HTN1: variants seen among roughly 807,000 people sequenced by gnomAD.
The protein encoded by HTN1 is histatin 1.
HTN1 carries 18 observed loss-of-function variants against 11.2 expected under a neutral mutation model. That is an observed-to-expected ratio of 1.61 (90% CI 1.12 to 2.39). The LOEUF is 2.39. Ranked by LOEUF, HTN1 falls within the 30% of genes most tolerant of loss-of-function variation. The probability of loss-of-function intolerance (pLI) is 0.00; values close to 1 mark genes in which losing one functional copy is unlikely to be tolerated. For missense variants in HTN1, 80 were observed against 67.2 expected (o/e 1.19, Z -0.67); for synonymous variants, 21 against 20.5 (o/e 1.02, Z -0.07).
At chr4:70,051,002 C>G (rs1006549187) in intron 1 of HTN1, among the ~76,000 whole-genome samples, 9 of 152,196 alleles carry the variant, frequency 5.9e-5, no homozygotes, top group Non-Finnish European at 1.2e-4. Context: ...GCAATCATCA[C>G]GCAAAGTAAA....
chr4:70,052,893 C>T (rs1175266331), intron 1 of HTN1, 171 bp from the exon 2 acceptor site: 19 of 535,332 alleles, frequency 3.5e-5, no homozygotes, highest in Non-Finnish European at 5.5e-5. Context: ...GGGAGGATGG[C>T]TTGAGACCAG....
intron 1 of HTN1, among the ~76,000 whole-genome samples, chr4:70,051,123 T>C (rs1399489973): frequency 1.3e-5 from 2 of 152,204 alleles, no homozygotes; most frequent in East Asian, 3.8e-4. Flanking sequence ...TTATTAATTC[T>C]ACATTTAACT....
intron 5 of HTN1, chr4:70,057,604 G>A (rs1726075616): frequency 6.6e-6 from 1 of 152,160 alleles, no homozygotes; most frequent in African/African-American, 2.4e-5. Context: ...TATAGTTCCA[G>A]TTCTGACCTG....
chr4:70,051,986 G>A (rs150383126), intron 1 of HTN1, among the ~76,000 whole-genome samples: 1,740 of 152,116 alleles, frequency 0.011, 14 homozygotes, highest in Admixed American at 0.018. Context: ...TTTTATTTAC[G>A]TTTGTAATTT....
intron 2 of HTN1, among the ~76,000 whole-genome samples, chr4:70,053,665 A>C (rs1243803007): frequency 6.6e-6 from 1 of 152,132 alleles, no homozygotes; most frequent in Non-Finnish European, 1.5e-5. Flanking sequence ...ATTGTCATTT[A>C]CTACTGTGTA....
chr4:70,051,341 A>G (rs1195923258), intron 1 of HTN1, among the ~76,000 whole-genome samples: 1 of 152,132 alleles, frequency 6.6e-6, no homozygotes, highest in Non-Finnish European at 1.5e-5. Flanking sequence ...CAATCTTACT[A>G]ATTTGTTTAA....
intron 2 of HTN1, among the ~76,000 whole-genome samples, chr4:70,053,407 G>C (rs1156525625): frequency 6.6e-6 from 1 of 152,116 alleles, no homozygotes; most frequent in African/African-American, 2.4e-5. Flanking sequence ...ACTAAGATCT[G>C]TGAAAGTATC....
intron 1 of HTN1, 175 bp from the exon 2 acceptor site, chr4:70,052,889 A>T (rs978481165): frequency 1.9e-5 from 10 of 518,466 alleles, no homozygotes; most frequent in African/African-American, 1.5e-4. Flanking sequence ...AGGTGGGAGG[A>T]TGGCTTGAGA....
intron 2 of HTN1, among the ~76,000 whole-genome samples, chr4:70,053,441 C>G (rs182468184): frequency 3.9e-5 from 6 of 152,182 alleles, no homozygotes; most frequent in African/African-American, 1.4e-4. Flanking sequence ...AGCTCTAGAC[C>G]ATCTGAAGTT....
rs1725864151 is a variant in HTN1, at chr4:70,050,487, G to A, written c.-22G>A. 1 of 152,100 alleles carries A rather than the reference G, an allele frequency of 6.6e-6. No individual in the cohort carries two copies. The highest frequency in any genetic ancestry group is 1.5e-5 in the Non-Finnish European group (1 of 68,016). The allele number at this position is 152,100 out of a possible 1,614,324, so 9.4% of individuals were successfully genotyped here. ...TCACTGACTTCTTGACTCTCCTCTT[G>A]AGTAAAAGGTAATATGTTCAAGTAC... On this transcript the variant is annotated 5_prime_UTR_variant, in exon 1 of 6. Coordinates refer to ENST00000246896, the MANE Select transcript of HTN1 (RefSeq NM_002159.4).
intron 2 of HTN1, 57 bp downstream of exon 2, chr4:70,053,184 C>G: frequency 1.8e-6 from 2 of 1,134,328 alleles, no homozygotes; most frequent in African/African-American, 1.5e-5. Flanking sequence ...CCAAGTGTCT[C>G]TCTTATTCCT....
In HTN1 at chr4:70,053,100, A is replaced by C. The variant is rs146406150; in HGVS notation, c.24A>C (p.Leu8Phe). 2,912 of 1,609,958 alleles carry C rather than the reference A, an allele frequency of 1.8e-3. 2 individuals carry two copies. Among genetic ancestry groups the C allele is most frequent in the South Asian group, 2.4e-3 (214 of 91,008 alleles). Residue 8 changes from leucine to phenylalanine, a missense_variant, in exon 2 of 6, where the codon TTA becomes TTC. By Grantham distance (22) the Leu-to-Phe change is conservative. Coordinates refer to ENST00000246896, the MANE Select transcript of HTN1 (RefSeq NM_002159.4). MKFFVFA[L>F]VLALMISMIS... ...CTATGAAGTTTTTTGTCTTTGCTTT[A>C]GTCTTGGCTCTCATGATTTCCATGA... is the stretch of plus-strand genomic sequence containing the variant.
chr4:70,055,597 ATAGAG>A lies in HTN1; in HGVS notation c.*29_*33del. ...TCCTTAGTAATCATGGGGCATGATTATAGAGGTAAGCTGACTCTAGTTGCTTGTCT... is the reference window on the plus strand; with the variant it reads ...TCCTTAGTAATCATGGGGCATGATTAGTAAGCTGACTCTAGTTGCTTGTCT... On this transcript the variant is annotated splice_region_variant and 3_prime_UTR_variant, in exon 5 of 6. Transcript: ENST00000246896. 1 of 1,386,324 alleles carries A rather than the reference ATAGAG, an allele frequency of 7.2e-7. No individual in the cohort carries two copies. The highest frequency in any genetic ancestry group is 1.0e-6 in the Non-Finnish European group (1 of 975,202). 85.9% of individuals were successfully genotyped at this position (1,386,324 alleles called of 1,614,324 possible). A position where few individuals can be genotyped will look rare whatever the true frequency, so the allele number is the denominator to read the frequency against.
chr4:70,056,737 G>A (rs1251782957), intron 5 of HTN1: 3 of 150,422 alleles, frequency 2.0e-5, no homozygotes, highest in Non-Finnish European at 4.5e-5. Flanking sequence ...GACATGAACA[G>A]ATAGTTCTCA....
intron 1 of HTN1, among the ~76,000 whole-genome samples, chr4:70,051,378 C>A (rs1290989486): frequency 6.6e-6 from 1 of 151,958 alleles, no homozygotes; most frequent in East Asian, 1.9e-4. Flanking sequence ...TGTGTTATGG[C>A]AGAAAAGAAA....
chr4:70,057,995 A>C (rs1307074630), intron 5 of HTN1: 1 of 152,206 alleles, frequency 6.6e-6, no homozygotes, highest in South Asian at 2.1e-4. Flanking sequence ...TCATAAAGTC[A>C]GTTTTATTTA....
rs764359036 is a variant in HTN1, at chr4:70,053,085, T to C, written c.9T>C (p.Phe3=). ...ATAGGACTCAGCCAACTATGAAGTT[T>C]TTTGTCTTTGCTTTAGTCTTGGCTC... is the stretch of plus-strand genomic sequence containing the variant. The part of the protein sequence containing the change: MK[F]FVFALVLALM... The change falls in exon 2 of 6, where the codon TTT becomes TTC. Residue 3 remains phenylalanine (F), a synonymous_variant. Coordinates refer to ENST00000246896, the MANE Select transcript of HTN1 (RefSeq NM_002159.4). The C allele has an allele frequency of 2.5e-6, 4 of 1,609,230 alleles. No individual in the cohort carries two copies. In the South Asian group the frequency reaches 4.4e-5, roughly 18 times the overall value.
chr4:70,054,515 G>A, intron 4 of HTN1, 65 bp downstream of exon 4: 1 of 1,020,212 alleles, frequency 9.8e-7, no homozygotes, highest in South Asian at 1.5e-5. Flanking sequence ...TATTCTCCTA[G>A]AAGAATCAAT....
intron 5 of HTN1, chr4:70,056,196 T>C (rs1385496179): frequency 2.0e-5 from 3 of 152,118 alleles, no homozygotes; most frequent in African/African-American, 7.2e-5. Flanking sequence ...TTTTATTCTC[T>C]TTGTAGCAAT....
Sources: allele counts gnomAD v4.1 joint callset (sites outside exome capture counted in the v4.1 genomes callset), GRCh38; gene constraint gnomAD v4.1.1; transcripts MANE v1.5; gene names NCBI Gene and HGNC (gene_info 2026-07-23, HGNC 2026-07-21).